UNC13A: variants seen among roughly 807,000 people sequenced by gnomAD.
UNC13A encodes the protein unc-13 homolog A, also known as protein unc-13 homolog A.
Under a neutral mutation model 219.7 loss-of-function variants are expected in UNC13A, and 61 were observed. The observed-to-expected ratio is 0.28, with a 90% CI of 0.23 to 0.34. The LOEUF is 0.34. UNC13A is among the 10% of genes least tolerant of loss of function. The pLI is 1.00. For synonymous variants in UNC13A, 920 were observed against 884.6 expected (o/e 1.04, Z -0.71); for missense variants, 1,476 against 2,270.3 (o/e 0.65, Z 7.11).
chr19:17,685,272 C>G (rs574834207), intron 1 of UNC13A, among the ~76,000 whole-genome samples: 1 of 152,140 alleles, frequency 6.6e-6, no homozygotes, highest in Admixed American at 6.5e-5. Context: ...CTCACTGCAA[C>G]CTCCACCTCC....
At chr19:17,608,804 C>T (rs1426867190) in intron 43 of UNC13A, among the ~76,000 whole-genome samples, 1 of 152,006 alleles carries the variant, frequency 6.6e-6, no homozygotes, top group Non-Finnish European at 1.5e-5. Flanking sequence ...GTGTGAGCCA[C>T]CACACCCAGC....
intron 37 of UNC13A, among the ~76,000 whole-genome samples, chr19:17,621,614 C>T (rs1259330344): frequency 6.6e-6 from 1 of 152,106 alleles, no homozygotes; most frequent in Non-Finnish European, 1.5e-5. Flanking sequence ...TGTTTGTGCA[C>T]ACACATTAGT....
In UNC13A at chr19:17,627,300, T is replaced by TA. The variant is rs879488279; in HGVS notation, c.3920+208dup. Among the ~76,000 whole-genome samples, 792 of 143,444 alleles carry TA rather than the reference T, an allele frequency of 5.5e-3. 4 individuals are homozygous for TA. Among genetic ancestry groups the TA allele is most frequent in the African/African-American group, 0.018 (714 of 39,152 alleles). 94.1% of individuals were successfully genotyped at this position (143,444 alleles called of 152,430 possible). A position where few individuals can be genotyped will look rare whatever the true frequency, so the allele number is the denominator to read the frequency against. On this transcript the variant is annotated intron_variant, in intron 33 of 43. Coordinates refer to ENST00000519716, the MANE Select transcript of UNC13A (RefSeq NM_001080421.3). This position sits in a 1 kb window ranked among gnomAD's most constrained non-coding sequence, Gnocchi z 4.7. ...TCATCACCCCAAATTTACAGAGCAA[T>TA]AAAAAAAAAAATAAGGCTCAGAGAA...
chr19:17,616,300 C>T (rs917793638), intron 41 of UNC13A: 3 of 619,608 alleles, frequency 4.8e-6, no homozygotes, highest in Non-Finnish European at 8.8e-6. Flanking sequence ...GGCGGCGGCC[C>T]TGCAGGCCCT....
intron 41 of UNC13A, among the ~76,000 whole-genome samples, chr19:17,612,435 C>T (rs527424145): frequency 6.6e-6 from 1 of 152,320 alleles, no homozygotes; most frequent in South Asian, 2.1e-4. Flanking sequence ...TGTCTTTTCC[C>T]TGTATCCTAC....
chr19:17,656,381 C>T lies in UNC13A; in HGVS notation c.785G>A (p.Arg262His), dbSNP rs372511545. The T allele has an allele frequency of 5.7e-5, 88 of 1,539,534 alleles. 1 individual carries two copies. Among genetic ancestry groups the T allele is most frequent in the Non-Finnish European group, 6.2e-5 (71 of 1,144,518 alleles). Residue 262 changes from arginine to histidine, a missense_variant, in exon 10 of 44, where the codon CGC (arginine) becomes CAC (histidine). Around this residue, in one of 14 missense-constraint regions of UNC13A, gnomAD observed 351 missense variants for 342.6 expected, o/e 1.02. Transcript: ENST00000519716. Reference sequence around the variant, plus strand: ...GCTCAGCTCCCCGGAAGAGGCATAGCGGCTGCTACCCGTGGGGCTGTGGGG... The same window carrying T: ...GCTCAGCTCCCCGGAAGAGGCATAGTGGCTGCTACCCGTGGGGCTGTGGGG... ...PQALSPTGSS[R>H]YASSGELSQG... is the part of the protein sequence containing the mutation.
chr19:17,655,329 C>A lies in UNC13A; in HGVS notation c.1337G>T (p.Arg446Met). 6.3e-7 allele frequency: 1 copy of A among 1,592,824 alleles called. No homozygotes were observed. ...GGCACGCAGCCAGTTGGCCTTGGCC[C>A]TGGACATGGAGTCCTGCCCCTCCTG... ...EGQEGQDSMS[R>M]AKANWLRAFN... Residue 446 changes from arginine (R) to methionine (M), a missense_variant, in exon 11 of 44, where the codon AGG becomes ATG. Arg to Met is a moderately conservative substitution (Grantham distance 91). Transcript: ENST00000519716.
At chr19:17,683,307 G>T (rs920811164) in intron 1 of UNC13A, among the ~76,000 whole-genome samples, 9 of 152,048 alleles carry the variant, frequency 5.9e-5, no homozygotes, top group Admixed American at 1.3e-4. Context: ...GTTAAAGAGG[G>T]CATGGGCATA....
chr19:17,647,536 T>C, intron 16 of UNC13A, 44 bp from the exon 17 acceptor site: 2 of 1,577,716 alleles, frequency 1.3e-6, no homozygotes, highest in Non-Finnish European at 1.7e-6. Context: ...GCGCCCTGCA[T>C]AGTGGCCCCT....
chr19:17,645,596 C>T (rs917664406), intron 19 of UNC13A, 78 bp downstream of exon 19: 1 of 1,579,712 alleles, frequency 6.3e-7, no homozygotes, highest in Non-Finnish European at 8.6e-7. Flanking sequence ...ACACATCTCT[C>T]TGCTCTTCGT....
rs376183162 is a variant in UNC13A, at chr19:17,672,450, A to G, written c.198T>C (p.Asn66=). The G allele has an allele frequency of 1.2e-6, 2 of 1,613,818 alleles. No homozygotes were observed. The highest frequency in any genetic ancestry group is 2.7e-5 in the African/African-American group (2 of 74,992). Residue 66 remains asparagine (N), a synonymous_variant, in exon 4 of 44, where the codon AAT becomes AAC. Coordinates refer to ENST00000519716, the MANE Select transcript of UNC13A (RefSeq NM_001080421.3). ...LDLGLTVEVW[N]KGLIWDTMVG... is the part of the protein sequence containing the mutation. Reference sequence around the variant, plus strand: ...CCATTGTGTCCCAGATGAGACCCTTATTCCACACCTCCACCGTCAGTCCCA... The same window carrying G: ...CCATTGTGTCCCAGATGAGACCCTTGTTCCACACCTCCACCGTCAGTCCCA...
Position 17,688,205 on chromosome 19 carries a change from C to T in UNC13A, c.-6G>A, listed in dbSNP as rs1334147689. 3.3e-6 allele frequency: 5 copies of T among 1,505,608 alleles called. No individual in the cohort carries two copies. Among genetic ancestry groups the T allele is most frequent in the East Asian group, 2.9e-5 (1 of 34,660 alleles). 93.3% of individuals were successfully genotyped at this position (1,505,608 alleles called of 1,614,324 possible). A position where few individuals can be genotyped will look rare whatever the true frequency, so the allele number is the denominator to read the frequency against. ...CCAACGCAAAGCAGAGACATGTCTCCGAGCTCGCAGGTGGGCCGGAGGCGG... is the reference window on the plus strand; with the variant it reads ...CCAACGCAAAGCAGAGACATGTCTCTGAGCTCGCAGGTGGGCCGGAGGCGG... On this transcript the variant is annotated 5_prime_UTR_variant, in exon 1 of 44. Coordinates refer to ENST00000519716, the MANE Select transcript of UNC13A (RefSeq NM_001080421.3).
At position 17,663,583 on chromosome 19, in the gene UNC13A, G is replaced by A. The variant is rs1316544607; in HGVS notation, c.524-16C>T. 1 of 1,606,262 alleles carries A rather than the reference G, an allele frequency of 6.2e-7. No homozygotes were observed. Among genetic ancestry groups the A allele is most frequent in the Non-Finnish European group, 8.5e-7 (1 of 1,176,566 alleles). ...TTCCAGTTGCCTACAAAGAGAAGGG[G>A]CAGAAATAATAAAAGGGAGCAGACA... On this transcript the variant is annotated splice_polypyrimidine_tract_variant and intron_variant, in intron 7 of 43. Transcript: ENST00000519716.
chr19:17,674,825 G>C lies in UNC13A; in HGVS notation c.53-69C>G, dbSNP rs1599411902. ...CTCCAATGCCCCTTCCCAAGCTCTA[G>C]ACCATCTGCTGTGATCCCCTCAGGA... On this transcript the variant is annotated intron_variant, in intron 2 of 43. Transcript: ENST00000519716. The surrounding 1 kb of genome is among the most constrained non-coding windows in gnomAD (Gnocchi z 5.0). 7.4e-7 allele frequency: 1 copy of C among 1,347,594 alleles called. No individual in the cohort carries two copies. Among genetic ancestry groups the C allele is most frequent in the Non-Finnish European group, 1.1e-6 (1 of 941,472 alleles). 83.5% of individuals were successfully genotyped at this position (1,347,594 alleles called of 1,614,324 possible). A position where few individuals can be genotyped will look rare whatever the true frequency, so the allele number is the denominator to read the frequency against.
intron 11 of UNC13A, 106 bp from the exon 12 acceptor site, chr19:17,652,783 CT>C (rs1438395018): frequency 4.6e-6 from 6 of 1,304,592 alleles, no homozygotes; most frequent in Non-Finnish European, 6.6e-6. Context: ...GTCAGATGGC[CT>C]GGGTCCTAGT....
intron 2 of UNC13A, among the ~76,000 whole-genome samples, chr19:17,675,174 C>CA (rs1016746607): frequency 6.7e-5 from 10 of 149,998 alleles, no homozygotes; most frequent in Non-Finnish European, 1.2e-4. Flanking sequence ...CTAAAAAATA[C>CA]AAAAAAATAA....
intron 19 of UNC13A, among the ~76,000 whole-genome samples, chr19:17,645,282 T>C (rs1230047039): frequency 4.0e-5 from 6 of 151,732 alleles, no homozygotes; most frequent in African/African-American, 1.2e-4. Flanking sequence ...GTGCTGGGAT[T>C]ACAGGCGTGA....
intron 41 of UNC13A, among the ~76,000 whole-genome samples, chr19:17,616,711 G>A (rs1007197390): frequency 6.6e-6 from 1 of 152,176 alleles, no homozygotes; most frequent in African/African-American, 2.4e-5. Flanking sequence ...GGACTGGAAG[G>A]GAAGCTGAGC....
chr19:17,627,692 G>T lies in UNC13A; in HGVS notation c.3832-95C>A. The T allele has an allele frequency of 2.3e-6, 3 of 1,280,554 alleles. No individual in the cohort carries two copies. The highest frequency in any genetic ancestry group is 2.2e-6 in the Non-Finnish European group (2 of 906,518). The allele number at this position is 1,280,554 out of a possible 1,614,324, so 79.3% of individuals were successfully genotyped here. A position where few individuals can be genotyped will look rare whatever the true frequency, so the allele number is the denominator to read the frequency against. ...GACCCAGGGAAAGGGATCCCAAGGG[G>T]CTGCAGGGGAAACTGAGGCACAGAC... is the stretch of plus-strand genomic sequence containing the variant. On this transcript the variant is annotated intron_variant, in intron 32 of 43. Transcript: ENST00000519716. The surrounding 1 kb of genome is among the most constrained non-coding windows in gnomAD (Gnocchi z 4.7).
Sources: allele counts gnomAD v4.1 joint callset (sites outside exome capture counted in the v4.1 genomes callset), GRCh38; gene constraint gnomAD v4.1.1; regional missense constraint gnomAD v4.1.1; non-coding constraint Gnocchi (gnomAD v3.1); transcripts MANE v1.5; gene names NCBI Gene and HGNC (gene_info 2026-07-23, HGNC 2026-07-21).